FOXL2NB: variants seen among roughly 807,000 people sequenced by gnomAD.
The protein encoded by FOXL2NB is FOXL2 neighbor, also known as FOXL2 neighbor protein.
In FOXL2NB, 10 loss-of-function variants were observed where a neutral mutation model predicts 7.4. That is an observed-to-expected ratio of 1.34 (90% CI 0.83 to 2.28). The LOEUF (loss-of-function observed/expected upper bound fraction) is 2.28. Ranked by LOEUF, FOXL2NB falls within the 30% of genes most tolerant of loss-of-function variation. FOXL2NB has a pLI of 0.00. For synonymous variants in FOXL2NB, 104 were observed against 105.3 expected, an observed-to-expected ratio of 0.99 and a Z score of 0.08; for missense variants, 228 against 233.9, an observed-to-expected ratio of 0.97 and a Z score of 0.17.
At position 138,947,785 on chromosome 3, in the gene FOXL2NB, C is replaced by G; in HGVS notation, c.100+321C>G. ...ACCAGTGGATCTAGGAACCAGGAAT[C>G]CGTGTACTAATCCTACGGGGTTGGA... is the stretch of plus-strand genomic sequence containing the variant. On this transcript the variant is annotated intron_variant, in intron 1 of 2. Transcript: ENST00000383165. This position sits in a 1 kb window ranked among gnomAD's most constrained non-coding sequence, Gnocchi z 5.2. 7 of 1,114,564 alleles carry G rather than the reference C, an allele frequency of 6.3e-6. No homozygotes were observed. The highest frequency in any genetic ancestry group is 1.6e-5 in the African/African-American group (1 of 60,608). 69.0% of individuals were successfully genotyped at this position (1,114,564 alleles called of 1,614,324 possible).
Position 138,950,365 on chromosome 3 carries a change from C to T in FOXL2NB, c.321C>T (p.Ser107=). Residue 107 remains serine (S), a synonymous_variant, in exon 3 of 3, where the codon AGC becomes AGT. Transcript: ENST00000383165. ...GKRRGCSEAG[S]ASLEPLSSSR... ...GTCGCGGCTGCTCTGAGGCAGGCAG[C>T]GCTTCGCTAGAACCACTCAGCTCGT... 2 of 1,612,034 alleles carry T rather than the reference C, an allele frequency of 1.2e-6. No homozygotes were observed. Among genetic ancestry groups the T allele is most frequent in the Non-Finnish European group, 1.7e-6 (2 of 1,179,754 alleles).
At position 138,950,536 on chromosome 3, in the gene FOXL2NB, C is replaced by T; in HGVS notation, c.492C>T (p.Cys164=). Residue 164 remains cysteine, a synonymous_variant, in exon 3 of 3, where the codon TGC becomes TGT. Coordinates refer to ENST00000383165, the MANE Select transcript of FOXL2NB (RefSeq NM_001040061.3). ...TLCLEGWPLR[C]LASKGKLHCV... ...GCTTGGAGGGATGGCCTCTGCGGTG[C>T]TTGGCTAGCAAAGGGAAGCTTCACT... is the stretch of plus-strand genomic sequence containing the variant. 3 of 1,614,226 alleles carry T rather than the reference C, an allele frequency of 1.9e-6. No individual in the cohort carries two copies. Among genetic ancestry groups the T allele is most frequent in the Non-Finnish European group, 2.5e-6 (3 of 1,180,044 alleles).
Position 138,949,417 on chromosome 3 carries a change from TAGGG to T in FOXL2NB, c.101-102_101-99del. 1 of 1,249,098 alleles carries T rather than the reference TAGGG, an allele frequency of 8.0e-7. No homozygotes were observed. The allele number at this position is 1,249,098 out of a possible 1,614,324, so 77.4% of individuals were successfully genotyped here. A position where few individuals can be genotyped will look rare whatever the true frequency, so the allele number is the denominator to read the frequency against. On this transcript the variant is annotated intron_variant, in intron 1 of 2. Transcript: ENST00000383165. The surrounding 1 kb of genome is among the most constrained non-coding windows in gnomAD (Gnocchi z 4.5). ...GTGTGTGTGTGTGTGTGTGTGTGTG[TAGGG>T]GTTGGGGGCAAATGAAGGAGTTCCT...
At chr3:138,950,112 G>T (rs1936094007) in intron 2 of FOXL2NB, 153 bp from the exon 3 acceptor site, 2 of 858,738 alleles carry the variant, frequency 2.3e-6, no homozygotes, top group Admixed American at 2.0e-5. Flanking sequence ...TGGTCCCACC[G>T]TAGCGCCGCC....
rs1186611231 is a variant in FOXL2NB at position 138,947,513 on chromosome 3, C to T, written c.100+49C>T. On this transcript the variant is annotated intron_variant, in intron 1 of 2. Transcript: ENST00000383165. This position sits in a 1 kb window ranked among gnomAD's most constrained non-coding sequence, Gnocchi z 5.2. Reference sequence around the variant, plus strand: ...TCTGCCGTTTGCTGCCGTCTTGAGGCTGAACTTCTAGCTCGGGGCTGGGGA... The same window carrying T: ...TCTGCCGTTTGCTGCCGTCTTGAGGTTGAACTTCTAGCTCGGGGCTGGGGA... The T allele has an allele frequency of 2.0e-6, 3 of 1,511,882 alleles. No individual in the cohort carries two copies. The highest frequency in any genetic ancestry group is 1.8e-6 in the Non-Finnish European group (2 of 1,121,544). 93.7% of individuals were successfully genotyped at this position (1,511,882 alleles called of 1,614,324 possible).
chr3:138,949,890 G>A lies in FOXL2NB; in HGVS notation c.220+251G>A, dbSNP rs987869293. On this transcript the variant is annotated intron_variant, in intron 2 of 2. Transcript: ENST00000383165. This position sits in a 1 kb window ranked among gnomAD's most constrained non-coding sequence, Gnocchi z 4.5. ...CGAGGTCGGGATCCTCTCTGAACAG[G>A]GCATACTGTGCCTAGGTTTTGTGGA... 2.9e-6 allele frequency: 2 copies of A among 695,692 alleles called. No homozygotes were observed. The highest frequency in any genetic ancestry group is 5.2e-6 in the Non-Finnish European group (2 of 383,450). The allele number at this position is 695,692 out of a possible 1,614,324, so 43.1% of individuals were successfully genotyped here.
In FOXL2NB at chr3:138,947,793, T is replaced by C. The variant is rs1324397298; in HGVS notation, c.100+329T>C. ...ATCTAGGAACCAGGAATCCGTGTAC[T>C]AATCCTACGGGGTTGGAGTGAAGGT... On this transcript the variant is annotated intron_variant, in intron 1 of 2. Coordinates refer to ENST00000383165, the MANE Select transcript of FOXL2NB (RefSeq NM_001040061.3). This position sits in a 1 kb window ranked among gnomAD's most constrained non-coding sequence, Gnocchi z 5.2. 1 of 1,097,212 alleles carries C rather than the reference T, an allele frequency of 9.1e-7. No homozygotes were observed. The highest frequency in any genetic ancestry group is 1.1e-6 in the Non-Finnish European group (1 of 900,838). 68.0% of individuals were successfully genotyped at this position (1,097,212 alleles called of 1,614,324 possible).
In FOXL2NB at chr3:138,949,464, T is replaced by C. The variant is rs1285584065; in HGVS notation, c.101-56T>C. 3.1e-6 allele frequency: 5 copies of C among 1,607,242 alleles called. No homozygotes were observed. The highest frequency in any genetic ancestry group is 3.4e-6 in the Non-Finnish European group (4 of 1,176,152). ...GAGTTCCTCTGAAGGATTTTCAGAA[T>C]AGAAAGGAGTTCTGCTCTGAAAATA... On this transcript the variant is annotated intron_variant, in intron 1 of 2. Transcript: ENST00000383165. The surrounding 1 kb of genome is among the most constrained non-coding windows in gnomAD (Gnocchi z 4.5).
At position 138,951,914 on chromosome 3, in the gene FOXL2NB, T is replaced by G. The variant is rs1291006706; in HGVS notation, c.*1342T>G. ...TAGAAAATGGTTCTGCTGGACAGAA[T>G]TGGGAAATGCCACTTTCCTTATAAT... On this transcript the variant is annotated 3_prime_UTR_variant, in exon 3 of 3. Coordinates refer to ENST00000383165, the MANE Select transcript of FOXL2NB (RefSeq NM_001040061.3). 1 of 152,232 alleles carries G rather than the reference T, an allele frequency of 6.6e-6. No individual in the cohort carries two copies. The highest frequency in any genetic ancestry group is 1.5e-5 in the Non-Finnish European group (1 of 68,050). The allele number at this position is 152,232 out of a possible 1,614,324, so 9.4% of individuals were successfully genotyped here. A position where few individuals can be genotyped will look rare whatever the true frequency, so the allele number is the denominator to read the frequency against.
chr3:138,950,041 T>A (rs1157550256), intron 2 of FOXL2NB: 3 of 708,586 alleles, frequency 4.2e-6, no homozygotes, highest in African/African-American at 1.7e-5. Context: ...CACTGCCTCT[T>A]TGCCCCAGTT....
Position 138,949,562 on chromosome 3 carries a change from C to A in FOXL2NB, c.143C>A (p.Thr48Asn). 1 of 1,614,128 alleles carries A rather than the reference C, an allele frequency of 6.2e-7. No individual in the cohort carries two copies. Among genetic ancestry groups the A allele is most frequent in the Non-Finnish European group, 8.5e-7 (1 of 1,179,990 alleles). The change falls in exon 2 of 3, where the codon ACC (threonine) becomes AAC (asparagine). Residue 48 changes from threonine (T) to asparagine (N), a missense_variant. Thr to Asn is a moderately conservative substitution (Grantham distance 65). Transcript: ENST00000383165. The surrounding 1 kb of genome is among the most constrained non-coding windows in gnomAD (Gnocchi z 4.5). ...LVKKRMPDAC[T>N]LGRAGIGLPK... The stretch of plus-strand genomic sequence containing the variant: ...AAGAAGAGGATGCCTGATGCGTGCA[C>A]CCTGGGAAGGGCTGGAATCGGTCTC...
Position 138,949,794 on chromosome 3 carries a change from C to T in FOXL2NB, c.220+155C>T, listed in dbSNP as rs550495513. 1,114 of 1,131,806 alleles carry T rather than the reference C, an allele frequency of 9.8e-4. 12 individuals carry two copies. The African/African-American group carries it at 0.015, about 16-fold the overall frequency. 70.1% of individuals were successfully genotyped at this position (1,131,806 alleles called of 1,614,324 possible). ...CCGGCCCAGCCAGAGGTGGGTGAACCGGGCGCTCCAGGAAACGGTGCGGGG... is the reference window on the plus strand; with the variant it reads ...CCGGCCCAGCCAGAGGTGGGTGAACTGGGCGCTCCAGGAAACGGTGCGGGG... On this transcript the variant is annotated intron_variant, in intron 2 of 2. Transcript: ENST00000383165. This position sits in a 1 kb window ranked among gnomAD's most constrained non-coding sequence, Gnocchi z 4.5.
In FOXL2NB at chr3:138,947,823, T is replaced by C. The variant is rs1936021591; in HGVS notation, c.100+359T>C. The C allele has an allele frequency of 9.6e-7, 1 of 1,042,462 alleles. No homozygotes were observed. Among genetic ancestry groups the C allele is most frequent in the Non-Finnish European group, 1.2e-6 (1 of 866,626 alleles). 64.6% of individuals were successfully genotyped at this position (1,042,462 alleles called of 1,614,324 possible). ...CTACGGGGTTGGAGTGAAGGTTGGA[T>C]GTGTGCTTTAACAGCACCAAGTAGA... On this transcript the variant is annotated intron_variant, in intron 1 of 2. Coordinates refer to ENST00000383165, the MANE Select transcript of FOXL2NB (RefSeq NM_001040061.3). The surrounding 1 kb of genome is among the most constrained non-coding windows in gnomAD (Gnocchi z 5.2).
rs1936068837 is a variant in FOXL2NB, at chr3:138,949,401, T to TGTGC, written c.101-116_101-115insCGTG. Reference sequence around the variant, plus strand: ...GTGTGTATGCATGTGCGTGTGTGTGTGTGTGTGTGTGTGTGTAGGGGTTGG... The same window carrying TGTGC: ...GTGTGTATGCATGTGCGTGTGTGTGTGTGCGTGTGTGTGTGTGTGTAGGGGTTGG... On this transcript the variant is annotated intron_variant, in intron 1 of 2. Transcript: ENST00000383165. This position sits in a 1 kb window ranked among gnomAD's most constrained non-coding sequence, Gnocchi z 4.5. 83 of 1,097,598 alleles carry TGTGC rather than the reference T, an allele frequency of 7.6e-5. No homozygotes were observed. In the South Asian group the frequency reaches 1.1e-3, roughly 15 times the overall value. 68.0% of individuals were successfully genotyped at this position (1,097,598 alleles called of 1,614,324 possible). A position where few individuals can be genotyped will look rare whatever the true frequency, so the allele number is the denominator to read the frequency against.
At position 138,950,328 on chromosome 3, in the gene FOXL2NB, T is replaced by C; in HGVS notation, c.284T>C (p.Leu95Pro). The stretch of plus-strand genomic sequence containing the variant: ...CCTCGGGCTTCCGGCGGCCCAGCTC[T>C]ACTAGGGAAGCGTCGCGGCTGCTCT... ...PAPRASGGPA[L>P]LGKRRGCSEA... The change falls in exon 3 of 3, where the codon CTA (leucine) becomes CCA (proline). Residue 95 changes from leucine to proline, a missense_variant. Coordinates refer to ENST00000383165, the MANE Select transcript of FOXL2NB (RefSeq NM_001040061.3). 1 of 1,610,422 alleles carries C rather than the reference T, an allele frequency of 6.2e-7. No individual in the cohort carries two copies. Among genetic ancestry groups the C allele is most frequent in the Non-Finnish European group, 8.5e-7 (1 of 1,179,318 alleles).
At position 138,953,740 on chromosome 3, in the gene FOXL2NB, C is replaced by CT. The variant is rs72584865; in HGVS notation, c.*3169dup. On this transcript the variant is annotated 3_prime_UTR_variant, in exon 3 of 3. Coordinates refer to ENST00000383165, the MANE Select transcript of FOXL2NB (RefSeq NM_001040061.3). ...CAAAAGGGAAACCATATTTGGATTT[C>CT]TATCACCATAAATAACCTTTGCCTG... is the stretch of plus-strand genomic sequence containing the variant. Among the ~76,000 whole-genome samples the CT allele has an allele frequency of 0.033, 5,102 of 152,302 alleles. 458 individuals carry two copies. Among genetic ancestry groups the CT allele is most frequent in the Admixed American group, 0.2 (3,062 of 15,276 alleles).
Position 138,947,297 on chromosome 3 carries a change from C to T in FOXL2NB, c.-68C>T. On this transcript the variant is annotated 5_prime_UTR_variant, in exon 1 of 3. Coordinates refer to ENST00000383165, the MANE Select transcript of FOXL2NB (RefSeq NM_001040061.3). The surrounding 1 kb of genome is among the most constrained non-coding windows in gnomAD (Gnocchi z 5.2). The stretch of plus-strand genomic sequence containing the variant: ...CCCCCGCCCAGCGAGCCTCAGGGGC[C>T]CAGCCGACAGCCAGGCTCACGCGCC... 3 of 1,319,218 alleles carry T rather than the reference C, an allele frequency of 2.3e-6. No homozygotes were observed. The East Asian group carries it at 7.7e-5, about 34-fold the overall frequency. 81.7% of individuals were successfully genotyped at this position (1,319,218 alleles called of 1,614,324 possible). A position where few individuals can be genotyped will look rare whatever the true frequency, so the allele number is the denominator to read the frequency against.
chr3:138,949,651 C>G lies in FOXL2NB; in HGVS notation c.220+12C>G. On this transcript the variant is annotated intron_variant, in intron 2 of 2. Transcript: ENST00000383165. This position sits in a 1 kb window ranked among gnomAD's most constrained non-coding sequence, Gnocchi z 4.5. The stretch of plus-strand genomic sequence containing the variant: ...GGCTCAGAAAACAGGCAAGAAAATG[C>G]GGGCGGGAAAGCTGGCAGAATGATT... 1 of 1,613,988 alleles carries G rather than the reference C, an allele frequency of 6.2e-7. No individual in the cohort carries two copies. Among genetic ancestry groups the G allele is most frequent in the Non-Finnish European group, 8.5e-7 (1 of 1,179,974 alleles).
rs1292726564 is a variant in FOXL2NB, at chr3:138,947,749, C to T, written c.100+285C>T. The T allele has an allele frequency of 2.7e-5, 31 of 1,160,678 alleles. No homozygotes were observed. Among genetic ancestry groups the T allele is most frequent in the Non-Finnish European group, 3.3e-5 (31 of 941,442 alleles). The allele number at this position is 1,160,678 out of a possible 1,614,324, so 71.9% of individuals were successfully genotyped here. On this transcript the variant is annotated intron_variant, in intron 1 of 2. Coordinates refer to ENST00000383165, the MANE Select transcript of FOXL2NB (RefSeq NM_001040061.3). This position sits in a 1 kb window ranked among gnomAD's most constrained non-coding sequence, Gnocchi z 5.2. ...GGCGCCGCCTGAATCACCTCTGCCT[C>T]TCCCTGCGTTACCAGTGGATCTAGG...
Sources: allele counts gnomAD v4.1 joint callset (sites outside exome capture counted in the v4.1 genomes callset), GRCh38; gene constraint gnomAD v4.1.1; non-coding constraint Gnocchi (gnomAD v3.1); transcripts MANE v1.5; gene names NCBI Gene and HGNC (gene_info 2026-07-23, HGNC 2026-07-21).